SYBU: variants seen among roughly 807,000 people sequenced by gnomAD.
SYBU encodes the protein syntabulin.
In SYBU, 21 loss-of-function variants were observed where a neutral mutation model predicts 35.9. The ratio of observed to expected loss-of-function variants is 0.58; its 90% CI spans 0.41 to 0.84. SYBU has a LOEUF of 0.84. Ranked by LOEUF, SYBU falls within the 40% of genes least tolerant of loss-of-function variation. The pLI is 0.00. For synonymous variants in SYBU, 319 were observed against 324.3 expected (o/e 0.98, Z 0.18); for missense variants, 768 against 848.2 (o/e 0.91, Z 1.17).
chr8:109,582,735 C>G (rs1202687450), intron 4 of SYBU, among the ~76,000 whole-genome samples: 1 of 152,118 alleles, frequency 6.6e-6, no homozygotes, highest in Non-Finnish European at 1.5e-5. Context: ...TGTTGAAGCC[C>G]TAACTCCCAG....
upstream of SYBU, chr8:109,644,844 C>G (rs1383344127): frequency 6.7e-6 from 4 of 593,400 alleles, no homozygotes; most frequent in Non-Finnish European, 1.1e-5. Flanking sequence ...GCACGCCCGA[C>G]CCCGCCCCGG....
intron 1 of SYBU, among the ~76,000 whole-genome samples, chr8:109,651,806 C>A (rs991295799): frequency 7.2e-5 from 11 of 152,106 alleles, no homozygotes; most frequent in African/African-American, 2.7e-4. Flanking sequence ...GTTTCACATT[C>A]ACCTCATCCT....
intron 1 of SYBU, among the ~76,000 whole-genome samples, chr8:109,661,655 T>A (rs1816563854): frequency 6.6e-6 from 1 of 152,306 alleles, no homozygotes; most frequent in Middle Eastern, 3.4e-3. Flanking sequence ...GAGCTGCCTC[T>A]TTACCCAGTA....
chr8:109,641,106 A>G (rs77557995), intron 2 of SYBU, among the ~76,000 whole-genome samples: 2 of 152,296 alleles, frequency 1.3e-5, no homozygotes, highest in East Asian at 3.9e-4. Flanking sequence ...AACATTCTTC[A>G]CTAGTCATAA....
At chr8:109,592,014 T>A (rs950797784) in intron 3 of SYBU, among the ~76,000 whole-genome samples, 2 of 151,998 alleles carry the variant, frequency 1.3e-5, no homozygotes, top group Non-Finnish European at 2.9e-5. Context: ...GTTATTAATA[T>A]TAAGAATTGC....
chr8:109,639,355 A>C (rs1447022359), intron 2 of SYBU, among the ~76,000 whole-genome samples: 2 of 152,230 alleles, frequency 1.3e-5, no homozygotes, highest in Non-Finnish European at 2.9e-5. Context: ...AAAAAGTAAA[A>C]ATTTTAGAAC....
In SYBU at chr8:109,575,170, C is replaced by T. The variant is rs1296170982; in HGVS notation, c.1728G>A (p.Glu576=). Residue 576 remains glutamate (E), a synonymous_variant, in exon 7 of 7, where the codon GAG becomes GAA. Coordinates refer to ENST00000276646, the MANE Select transcript of SYBU (RefSeq NM_001099754.2). ...AEVHANRLMR[E]LDFAACVEER... ...CTTCCACGCAGGCTGCAAAATCCAG[C>T]TCTCTCATGAGGCGGTTTGCATGAA... 6.2e-7 allele frequency: 1 copy of T among 1,614,238 alleles called. No individual in the cohort carries two copies.
At chr8:109,622,491 T>C (rs933590974) in intron 2 of SYBU, among the ~76,000 whole-genome samples, 1 of 152,106 alleles carries the variant, frequency 6.6e-6, no homozygotes, top group Non-Finnish European at 1.5e-5. Flanking sequence ...CCTCAGCCTC[T>C]CAAAGTGCTG....
intron 5 of SYBU, 137 bp from the exon 6 acceptor site, chr8:109,578,154 C>G: frequency 1.0e-6 from 1 of 974,640 alleles, no homozygotes; most frequent in Non-Finnish European, 1.5e-6. Flanking sequence ...CCCAATATGA[C>G]GGTATTAGGT....
intron 2 of SYBU, among the ~76,000 whole-genome samples, chr8:109,630,899 A>G (rs1277801582): frequency 9.2e-5 from 14 of 152,120 alleles, no homozygotes; most frequent in Admixed American, 7.9e-4. Context: ...AGGACAGGAG[A>G]AGAGGCCAAC....
chr8:109,690,367 CAT>C (rs1268890230), intron 1 of SYBU, among the ~76,000 whole-genome samples: 3 of 152,352 alleles, frequency 2.0e-5, no homozygotes, highest in South Asian at 2.1e-4. Flanking sequence ...ACATTCCTAA[CAT>C]GTGCCTACTG....
At chr8:109,656,340 T>C (rs78157216) in intron 1 of SYBU, among the ~76,000 whole-genome samples, 2,096 of 152,304 alleles carry the variant, frequency 0.014, 51 homozygotes, top group African/African-American at 0.048. Flanking sequence ...TTTTTGCATA[T>C]ATTTTTTTCT....
intron 2 of SYBU, among the ~76,000 whole-genome samples, chr8:109,630,012 T>G (rs377745547): frequency 6.6e-6 from 1 of 151,982 alleles, no homozygotes; most frequent in Non-Finnish European, 1.5e-5. Context: ...TTCTTGTAAC[T>G]TGAACCAACC....
chr8:109,605,201 CA>C (rs1825945827), intron 3 of SYBU, among the ~76,000 whole-genome samples: 1 of 152,148 alleles, frequency 6.6e-6, no homozygotes, highest in Non-Finnish European at 1.5e-5. Flanking sequence ...TGACTAATAA[CA>C]ATGGAATAGA....
At chr8:109,588,720 G>A (rs140544752) in intron 3 of SYBU, among the ~76,000 whole-genome samples, 89 of 144,616 alleles carry the variant, frequency 6.2e-4, no homozygotes, top group African/African-American at 2.0e-3. Context: ...CGCCCCCGCC[G>A]CCATTTATCT....
intron 1 of SYBU, among the ~76,000 whole-genome samples, chr8:109,653,982 G>A (rs910057492): frequency 1.3e-5 from 2 of 152,050 alleles, no homozygotes; most frequent in African/African-American, 2.4e-5. Context: ...AGTATCAGAG[G>A]AGTTAATAAC....
intron 1 of SYBU, among the ~76,000 whole-genome samples, chr8:109,660,380 G>A (rs1816517655): frequency 6.6e-6 from 1 of 152,002 alleles, no homozygotes; most frequent in Non-Finnish European, 1.5e-5. Context: ...CGTTAGTATT[G>A]TATCTTATCT....
chr8:109,680,377 A>T (rs1036821935), intron 1 of SYBU, among the ~76,000 whole-genome samples: 1 of 135,024 alleles, frequency 7.4e-6, no homozygotes, highest in Non-Finnish European at 1.7e-5. Flanking sequence ...AAGAACCGAA[A>T]GAAATTAGTT....
intron 2 of SYBU, among the ~76,000 whole-genome samples, chr8:109,634,484 A>T (rs915884820): frequency 2.8e-4 from 42 of 152,212 alleles, no homozygotes; most frequent in Admixed American, 8.5e-4. Flanking sequence ...TGCTCTCAAT[A>T]TATTTCATAA....
Sources: allele counts gnomAD v4.1 joint callset (sites outside exome capture counted in the v4.1 genomes callset), GRCh38; gene constraint gnomAD v4.1.1; transcripts MANE v1.5; gene names NCBI Gene and HGNC (gene_info 2026-07-23, HGNC 2026-07-21).